INSIG2: variants seen among roughly 807,000 people sequenced by gnomAD.
INSIG2 encodes the protein insulin-induced gene 2 protein.
In INSIG2, 10 loss-of-function variants were observed where a neutral mutation model predicts 27.2. That is an observed-to-expected ratio of 0.37 (90% CI 0.23 to 0.62). INSIG2 has a LOEUF of 0.62. Among genes scored for constraint, INSIG2 ranks in the 20% least tolerant of loss-of-function variants. The probability of loss-of-function intolerance (pLI) is 0.65; values close to 1 mark genes in which losing one functional copy is unlikely to be tolerated. For missense variants in INSIG2, 178 were observed against 270.2 expected (o/e 0.66, Z 2.39); for synonymous variants, 97 against 95.8 (o/e 1.01, Z -0.07).
At chr2:118,099,230 G>C (rs1678484353) in intron 2 of INSIG2, among the ~76,000 whole-genome samples, 1 of 152,228 alleles carries the variant, frequency 6.6e-6, no homozygotes, top group South Asian at 2.1e-4. Flanking sequence ...ACCATCTTAA[G>C]TCAGAAAAAC....
chr2:118,106,662 C>T, intron 3 of INSIG2, 75 bp from the exon 4 acceptor site: 1 of 1,216,830 alleles, frequency 8.2e-7, no homozygotes, highest in Non-Finnish European at 1.2e-6. Flanking sequence ...ACAGAGGCAT[C>T]TCTTATTTAG....
intron 1 of INSIG2, among the ~76,000 whole-genome samples, chr2:118,091,661 AT>A (rs1413282903): frequency 6.6e-6 from 1 of 152,252 alleles, no homozygotes; most frequent in Non-Finnish European, 1.5e-5. Flanking sequence ...ATTATATACT[AT>A]TGTATTATGA....
chr2:118,103,069 C>CTTTTTTTTTTTTTT, intron 2 of INSIG2, 128 bp from the exon 3 acceptor site: 1 of 787,404 alleles, frequency 1.3e-6, no homozygotes, highest in Non-Finnish European at 1.9e-6. Context: ...TGTGAAATAA[C>CTTTTTTTTTTTTTT]TTTTTTTTTT....
intron 1 of INSIG2, among the ~76,000 whole-genome samples, chr2:118,094,010 A>AGAT (rs372312794): frequency 0.21 from 2,412 of 11,586 alleles, 265 homozygotes; most frequent in South Asian, 0.43. Flanking sequence ...AAAAGCAACC[A>AGAT]GATGATGATG....
At chr2:118,099,924 C>A (rs1178241656) in intron 2 of INSIG2, among the ~76,000 whole-genome samples, 1 of 152,142 alleles carries the variant, frequency 6.6e-6, no homozygotes, top group Non-Finnish European at 1.5e-5. Flanking sequence ...TTGTATGGTA[C>A]CCTCACTGCT....
At chr2:118,103,534 A>G (rs1327461342) in intron 3 of INSIG2, among the ~76,000 whole-genome samples, 1 of 152,236 alleles carries the variant, frequency 6.6e-6, no homozygotes, top group Non-Finnish European at 1.5e-5. Flanking sequence ...ATTTTTCACT[A>G]TCACTTAGAA....
intron 1 of INSIG2, among the ~76,000 whole-genome samples, chr2:118,093,243 GA>G (rs1678305553): frequency 1.2e-5 from 1 of 81,910 alleles, no homozygotes; most frequent in Non-Finnish European, 2.4e-5. Flanking sequence ...TGATGATGAT[GA>G]TGATGGAGAG....
In INSIG2 at chr2:118,096,408, ATC is replaced by A; in HGVS notation, c.-138-7_-138-6del. On this transcript the variant is annotated splice_polypyrimidine_tract_variant and intron_variant, in intron 1 of 5. Coordinates refer to ENST00000245787, the MANE Select transcript of INSIG2 (RefSeq NM_016133.4). The stretch of plus-strand genomic sequence containing the variant: ...GATACACATTAATTTCTTTTTTCTT[ATC>A]TCTTGCAGGATTTCTGGTAGGTCCT... The A allele has an allele frequency of 1.5e-6, 1 of 676,936 alleles. No individual in the cohort carries two copies. The highest frequency in any genetic ancestry group is 2.2e-5 in the South Asian group (1 of 45,966). 41.9% of individuals were successfully genotyped at this position (676,936 alleles called of 1,614,324 possible).
At chr2:118,098,295 G>GT (rs1414341568) in intron 2 of INSIG2, among the ~76,000 whole-genome samples, 3 of 152,192 alleles carry the variant, frequency 2.0e-5, no homozygotes, top group Non-Finnish European at 2.9e-5. Flanking sequence ...GGAAACTGTT[G>GT]TTTATTGAAT....
Position 118,106,775 on chromosome 2 carries a change from A to C in INSIG2, c.408A>C (p.Thr136=). 1 of 1,614,094 alleles carries C rather than the reference A, an allele frequency of 6.2e-7. No individual in the cohort carries two copies. Among genetic ancestry groups the C allele is most frequent in the Non-Finnish European group, 8.5e-7 (1 of 1,179,938 alleles). Residue 136 remains threonine (T), a synonymous_variant, in exon 4 of 6, where the codon ACA becomes ACC. Transcript: ENST00000245787. ...DFDNNIQLSL[T]LAALSIGLWW... ...ATAACAACATACAGTTGTCTCTCAC[A>C]CTGGCTGCACTATCCATTGGACTGT...
chr2:118,099,470 AT>A (rs1314477788), intron 2 of INSIG2, among the ~76,000 whole-genome samples: 2 of 152,114 alleles, frequency 1.3e-5, no homozygotes, highest in African/African-American at 4.8e-5. Flanking sequence ...TTAATTCCAT[AT>A]TTTTAGTTTG....
chr2:118,098,765 G>A lies in INSIG2; in HGVS notation c.244+1965G>A, dbSNP rs571761610. Among the ~76,000 whole-genome samples, 42 of 152,328 alleles carry A rather than the reference G, an allele frequency of 2.8e-4. 2 individuals are homozygous for A. The South Asian group carries it at 8.7e-3, about 32-fold the overall frequency. The stretch of plus-strand genomic sequence containing the variant: ...GAAAATTTCAAATGCTAATACCACA[G>A]TTCAGCCACTACTTTCCTTCCTGTT... On this transcript the variant is annotated intron_variant, in intron 2 of 5. Transcript: ENST00000245787.
intron 1 of INSIG2, among the ~76,000 whole-genome samples, chr2:118,093,145 A>AGAT (rs1224057339): frequency 5.0e-4 from 48 of 96,684 alleles, no homozygotes; most frequent in African/African-American, 2.3e-3. Flanking sequence ...AAAAGCAACC[A>AGAT]GATGATGATG....
At chr2:118,105,341 C>T (rs1678648459) in intron 3 of INSIG2, among the ~76,000 whole-genome samples, 1 of 152,124 alleles carries the variant, frequency 6.6e-6, no homozygotes. Flanking sequence ...GCACCTGGCC[C>T]ATATGGCACT....
At chr2:118,102,537 T>C (rs917854436) in intron 2 of INSIG2, 1 of 152,282 alleles carries the variant, frequency 6.6e-6, no homozygotes, top group African/African-American at 2.4e-5. Context: ...GAGTCTTACC[T>C]GTAGATTTCT....
intron 2 of INSIG2, among the ~76,000 whole-genome samples, chr2:118,099,181 A>G (rs1036612030): frequency 5.3e-5 from 8 of 152,218 alleles, no homozygotes; most frequent in African/African-American, 1.9e-4. Context: ...TTTTGTGTAT[A>G]TGTGTTGGCG....
At chr2:118,106,943 G>A (rs1558837845) in intron 4 of INSIG2, 40 bp downstream of exon 4, 4 of 1,601,342 alleles carry the variant, frequency 2.5e-6, no homozygotes, top group Non-Finnish European at 3.4e-6. Flanking sequence ...TTGTTTGCTA[G>A]ATAAATAAAT....
At chr2:118,101,089 T>A (rs575963709) in intron 2 of INSIG2, among the ~76,000 whole-genome samples, 15 of 151,920 alleles carry the variant, frequency 9.9e-5, no homozygotes, top group South Asian at 6.2e-4. Context: ...TTGTTTTTTT[T>A]AAAAAAAAGT....
chr2:118,094,010 A>AGATGATGAT (rs372312794), intron 1 of INSIG2, among the ~76,000 whole-genome samples: 868 of 11,634 alleles, frequency 0.075, 68 homozygotes, highest in Non-Finnish European at 0.11. Context: ...AAAAGCAACC[A>AGATGATGAT]GATGATGATG....
Sources: gnomAD v4.1 joint callset for allele counts (sites outside exome capture counted in the v4.1 genomes callset) on GRCh38, gnomAD v4.1.1 for gene constraint, MANE v1.5 for transcripts, NCBI Gene and HGNC (gene_info 2026-07-23, HGNC 2026-07-21) for gene names.